PAGE2B: variants seen among roughly 807,000 people sequenced by gnomAD.
The protein encoded by PAGE2B is putative G antigen family E member 3.
In PAGE2B, 5 loss-of-function variants were observed where a neutral mutation model predicts 7.6. The observed-to-expected ratio is 0.66, with a 90% CI of 0.34 to 1.38. PAGE2B has a LOEUF of 1.38. Ranked by LOEUF, PAGE2B falls within the 40% of genes most tolerant of loss-of-function variation. The probability of loss-of-function intolerance (pLI) is 0.04; values close to 1 mark genes in which losing one functional copy is unlikely to be tolerated. For missense variants in PAGE2B, 70 were observed against 78.4 expected (o/e 0.89, Z 0.41); for synonymous variants, 29 against 26.7 (o/e 1.09, Z -0.27).
At chrX:55,031,048 C>G in the PAGE2B span, 14 of 323,449 alleles carry the variant, frequency 4.3e-5, no homozygotes, top group Admixed American at 4.6e-4. Context: ...TGCCTTCTGC[C>G]GGCCTGGCCC....
the PAGE2B span, among the ~76,000 whole-genome samples, chrX:55,068,374 C>G: frequency 9.0e-6 from 1 of 111,237 alleles, no homozygotes; most frequent in Non-Finnish European, 1.9e-5. Context: ...TTTCTGAGGC[C>G]TCTGTTCTGT....
At chrX:55,043,772 G>C in the PAGE2B span, among the ~76,000 whole-genome samples, 1 of 110,133 alleles carries the variant, frequency 9.1e-6, no homozygotes, top group African/African-American at 3.3e-5. Context: ...GTTTGAGACA[G>C]AATGACCAAC....
chrX:55,074,404 TA>T (rs1936480259), upstream of PAGE2B, among the ~76,000 whole-genome samples: 1 of 111,805 alleles, frequency 8.9e-6, no homozygotes, highest in Non-Finnish European at 1.9e-5. Context: ...GTAGTAGTGG[TA>T]CAGGTATAAA....
chrX:55,033,744 T>A, the PAGE2B span, among the ~76,000 whole-genome samples: 3 of 112,250 alleles, frequency 2.7e-5, no homozygotes. Flanking sequence ...CTTCGGTGAC[T>A]TAGGAGTTTC....
At chrX:55,043,164 C>T in the PAGE2B span, among the ~76,000 whole-genome samples, 2 of 111,411 alleles carry the variant, frequency 1.8e-5, no homozygotes, top group Non-Finnish European at 3.8e-5. Context: ...AAACTGGGTC[C>T]TCATCTCTCA....
chrX:55,030,547 G>C, the PAGE2B span, among the ~76,000 whole-genome samples: 1 of 111,266 alleles, frequency 9.0e-6, no homozygotes, highest in African/African-American at 3.3e-5. Flanking sequence ...GTTCTTGATA[G>C]AGAGGAAGAG....
the PAGE2B span, among the ~76,000 whole-genome samples, chrX:55,048,437 G>A: frequency 8.9e-6 from 1 of 111,749 alleles, no homozygotes; most frequent in Non-Finnish European, 1.9e-5. Context: ...CTACCCATGA[G>A]CATGGAATGT....
chrX:55,037,209 AAAAC>A, the PAGE2B span, among the ~76,000 whole-genome samples: 968 of 111,672 alleles, frequency 8.7e-3, 10 homozygotes, highest in African/African-American at 0.03. Flanking sequence ...TGACAAGAAA[AAAAC>A]AAACAACCCC....
Position 55,076,670 on chromosome X carries a change from C to A in PAGE2B, c.186C>A (p.Ala62=), listed in dbSNP as rs2498449. 18 of 1,201,275 alleles carry A rather than the reference C, an allele frequency of 1.5e-5. No homozygotes were observed. In the African/African-American group the frequency reaches 2.5e-4, roughly 17 times the overall value. The change falls in exon 3 of 5, where the codon GCC becomes GCA. Residue 62 remains alanine, a synonymous_variant. Transcript: ENST00000374971. The stretch of plus-strand genomic sequence containing the variant: ...AGATCGAAAATGAAGGAGCACCTGC[C>A]GTTCAAGGTGAAGGGAGAGTGGAGA... The part of the protein sequence containing the change: ...SGEIENEGAP[A]VQGPDMEAFQ...
the PAGE2B span, among the ~76,000 whole-genome samples, chrX:55,028,296 C>T: frequency 2.7e-5 from 3 of 111,135 alleles, no homozygotes; most frequent in East Asian, 2.8e-4. Flanking sequence ...CCTGGAATCA[C>T]GTCTGAGCAT....
At chrX:55,070,837 C>T (rs959937558), upstream of PAGE2B, among the ~76,000 whole-genome samples, 2 of 111,561 alleles carry the variant, frequency 1.8e-5, no homozygotes, top group Non-Finnish European at 3.8e-5. Context: ...TCTGTTTTAT[C>T]AGAGACTAGG....
chrX:55,036,319 C>A, the PAGE2B span, among the ~76,000 whole-genome samples: 1 of 110,725 alleles, frequency 9.0e-6, no homozygotes, highest in Non-Finnish European at 1.9e-5. Context: ...TTGCCCTGGC[C>A]AGAACTTCCA....
chrX:55,076,423 T>C (rs1245433089), intron 2 of PAGE2B, 146 bp from the exon 3 acceptor site: 13 of 553,602 alleles, frequency 2.3e-5, no homozygotes, highest in South Asian at 7.4e-5. Context: ...TATATACGTA[T>C]GTATGTATAT....
Position 55,076,670 on chromosome X carries a change from C to T in PAGE2B, c.186C>T (p.Ala62=), listed in dbSNP as rs2498449. 1.6e-5 allele frequency: 19 copies of T among 1,201,304 alleles called. No individual in the cohort carries two copies. The highest frequency in any genetic ancestry group is 1.5e-4 in the East Asian group (5 of 33,606). The part of the protein sequence containing the change: ...SGEIENEGAP[A]VQGPDMEAFQ... Reference sequence around the variant, plus strand: ...AGATCGAAAATGAAGGAGCACCTGCCGTTCAAGGTGAAGGGAGAGTGGAGA... The same window carrying T: ...AGATCGAAAATGAAGGAGCACCTGCTGTTCAAGGTGAAGGGAGAGTGGAGA... Residue 62 remains alanine (A), a synonymous_variant, in exon 3 of 5, where the codon GCC becomes GCT. Coordinates refer to ENST00000374971, the MANE Select transcript of PAGE2B (RefSeq NM_001015038.3).
At chrX:55,051,646 G>A in the PAGE2B span, among the ~76,000 whole-genome samples, 1 of 112,134 alleles carries the variant, frequency 8.9e-6, no homozygotes, top group African/African-American at 3.2e-5. Flanking sequence ...TCATGCTGTG[G>A]TTTTCAGCTC....
the PAGE2B span, among the ~76,000 whole-genome samples, chrX:55,069,901 T>A: frequency 4.5e-5 from 5 of 112,076 alleles, no homozygotes; most frequent in East Asian, 1.4e-3. Context: ...CCCTTTGTCA[T>A]TTTTTATTGC....
chrX:55,028,432 C>G, the PAGE2B span, among the ~76,000 whole-genome samples: 1 of 111,210 alleles, frequency 9.0e-6, no homozygotes, highest in African/African-American at 3.3e-5. Flanking sequence ...ACAATAATGC[C>G]AACAACATTG....
chrX:55,028,601 A>C, the PAGE2B span, among the ~76,000 whole-genome samples: 1 of 111,330 alleles, frequency 9.0e-6, no homozygotes, highest in Non-Finnish European at 1.9e-5. Flanking sequence ...GGGTCCTGGG[A>C]AAATATAGAC....
chrX:55,075,642 A>G (rs184523818), intron 1 of PAGE2B, among the ~76,000 whole-genome samples: 42 of 111,521 alleles, frequency 3.8e-4, no homozygotes, highest in Admixed American at 9.5e-4. Flanking sequence ...TGTGCTTTCC[A>G]ACAAGACTTG....
Sources: allele counts gnomAD v4.1 joint callset (sites outside exome capture counted in the v4.1 genomes callset), GRCh38; gene constraint gnomAD v4.1.1; transcripts MANE v1.5; gene names NCBI Gene and HGNC (gene_info 2026-07-23, HGNC 2026-07-21).